Variants in ADGRL2 observed in about 807,000 individuals in gnomAD.
ADGRL2 encodes calcium-independent alpha-latrotoxin receptor 2.
A neutral mutation model predicts 157.4 loss-of-function variants in ADGRL2; 44 were observed. The ratio of observed to expected loss-of-function variants is 0.28; its 90% CI spans 0.22 to 0.36. ADGRL2 has a LOEUF of 0.36. Among genes scored for constraint, ADGRL2 ranks in the 10% least tolerant of loss-of-function variants. The pLI, the probability that ADGRL2 is intolerant of heterozygous loss-of-function variation, is 1.00. For missense variants in ADGRL2, 1,510 were observed against 1,768.9 expected (o/e 0.85, Z 2.63); for synonymous variants, 585 against 624.7 (o/e 0.94, Z 0.95).
intron 2 of ADGRL2, among the ~76,000 whole-genome samples, chr1:81,874,588 T>C (rs1029412260): frequency 2.0e-5 from 3 of 151,974 alleles, no homozygotes; most frequent in African/African-American, 7.2e-5. Flanking sequence ...TCTTTCTTTC[T>C]GTCTGTCTTG....
chr1:81,519,368 C>T (rs1204096756), intron 2 of ADGRL2, among the ~76,000 whole-genome samples: 1 of 151,952 alleles, frequency 6.6e-6, no homozygotes, highest in Non-Finnish European at 1.5e-5. Context: ...CTGTACTATT[C>T]CAGAAGGATC....
At chr1:81,906,524 A>T (rs970314415) in intron 2 of ADGRL2, among the ~76,000 whole-genome samples, 3 of 152,210 alleles carry the variant, frequency 2.0e-5, no homozygotes, top group African/African-American at 7.2e-5. Context: ...TGTCATAAAT[A>T]TCTTAGTTAT....
intron 2 of ADGRL2, among the ~76,000 whole-genome samples, chr1:81,504,716 A>G (rs956832506): frequency 1.1e-4 from 16 of 152,208 alleles, no homozygotes; most frequent in African/African-American, 3.9e-4. Flanking sequence ...AAACCGTACC[A>G]GTTCTGAAGA....
intron 1 of ADGRL2, among the ~76,000 whole-genome samples, chr1:81,356,553 A>G (rs1343720546): frequency 6.6e-6 from 1 of 152,138 alleles, no homozygotes; most frequent in Non-Finnish European, 1.5e-5. Flanking sequence ...ATCTCTGATT[A>G]TTTTCTCTGC....
intron 3 of ADGRL2, among the ~76,000 whole-genome samples, chr1:81,646,291 C>T (rs2082313859): frequency 6.6e-6 from 1 of 152,086 alleles, no homozygotes; most frequent in African/African-American, 2.4e-5. Context: ...AGTGTACCAG[C>T]AATTTAAATA....
intron 11 of ADGRL2, among the ~76,000 whole-genome samples, chr1:81,961,856 A>G (rs1359972504): frequency 6.6e-6 from 1 of 152,152 alleles, no homozygotes; most frequent in East Asian, 1.9e-4. Context: ...ATATTTACAT[A>G]TGCTGATATG....
chr1:81,375,520 T>G (rs1419293444), intron 1 of ADGRL2, among the ~76,000 whole-genome samples: 1 of 152,232 alleles, frequency 6.6e-6, no homozygotes, highest in African/African-American at 2.4e-5. Context: ...TGAACACTTG[T>G]GTTTGCAACA....
At chr1:81,578,505 A>G (rs544597556) in intron 2 of ADGRL2, among the ~76,000 whole-genome samples, 3 of 152,306 alleles carry the variant, frequency 2.0e-5, no homozygotes, top group African/African-American at 4.8e-5. Flanking sequence ...TAGGAATTAT[A>G]TTAAGTGGCA....
At chr1:81,417,087 T>C (rs540618094) in intron 1 of ADGRL2, among the ~76,000 whole-genome samples, 8 of 152,316 alleles carry the variant, frequency 5.3e-5, no homozygotes, top group African/African-American at 1.9e-4. Context: ...AGCATCTTCC[T>C]TTACTTTATT....
At chr1:81,600,940 G>A (rs4317851) in intron 3 of ADGRL2, among the ~76,000 whole-genome samples, 106,483 of 151,988 alleles carry the variant, frequency 0.7, 37,444 homozygotes, top group Admixed American at 0.76. Flanking sequence ...TATTCATTCA[G>A]TGCCATGTTT....
intron 22 of ADGRL2, chr1:81,987,417 C>T: frequency 2.2e-6 from 2 of 907,502 alleles, no homozygotes; most frequent in South Asian, 2.6e-5. Flanking sequence ...AATGAATTAG[C>T]TAATGAAGAT....
At chr1:81,756,670 T>C (rs779610226) in intron 1 of ADGRL2, among the ~76,000 whole-genome samples, 1 of 152,184 alleles carries the variant, frequency 6.6e-6, no homozygotes, top group African/African-American at 2.4e-5. Context: ...CAAAGAGATG[T>C]TGTATTTTGT....
chr1:81,847,705 C>T (rs2092845125), intron 2 of ADGRL2, among the ~76,000 whole-genome samples: 2 of 151,810 alleles, frequency 1.3e-5, no homozygotes, highest in African/African-American at 4.8e-5. Flanking sequence ...CCTAATATTT[C>T]CCTCTATTCC....
chr1:81,915,408 A>G (rs2094832384), intron 3 of ADGRL2, among the ~76,000 whole-genome samples: 1 of 152,132 alleles, frequency 6.6e-6, no homozygotes, highest in African/African-American at 2.4e-5. Context: ...GAAAATCAGT[A>G]AAACAGTTCT....
intron 1 of ADGRL2, among the ~76,000 whole-genome samples, chr1:81,324,785 CG>C (rs1400449371): frequency 6.6e-6 from 1 of 151,990 alleles, no homozygotes. Flanking sequence ...GTCTCAATCT[CG>C]GCTCACTGCA....
intron 1 of ADGRL2, among the ~76,000 whole-genome samples, chr1:81,412,533 T>A (rs1424720907): frequency 2.0e-5 from 3 of 152,204 alleles, no homozygotes; most frequent in African/African-American, 7.2e-5. Flanking sequence ...TATCACATAG[T>A]GTAGTAATGA....
intron 2 of ADGRL2, among the ~76,000 whole-genome samples, chr1:81,899,806 G>T (rs2094456104): frequency 6.6e-6 from 1 of 152,064 alleles, no homozygotes; most frequent in Non-Finnish European, 1.5e-5. Context: ...TTAATTTGAG[G>T]ATTTCTTTAT....
intron 1 of ADGRL2, among the ~76,000 whole-genome samples, chr1:81,706,401 A>C (rs1400075874): frequency 6.6e-6 from 1 of 152,010 alleles, no homozygotes; most frequent in African/African-American, 2.4e-5. Flanking sequence ...TAGGAAACAT[A>C]GGAGGGGATG....
At chr1:81,567,537 G>A (rs889348157) in intron 2 of ADGRL2, among the ~76,000 whole-genome samples, 4 of 151,986 alleles carry the variant, frequency 2.6e-5, no homozygotes, top group Admixed American at 6.6e-5. Flanking sequence ...AAAAGTTAAT[G>A]AACACAAAAC....
Sources: allele counts gnomAD v4.1 joint callset (sites outside exome capture counted in the v4.1 genomes callset), GRCh38; gene constraint gnomAD v4.1.1; transcripts MANE v1.5; gene names NCBI Gene and HGNC (gene_info 2026-07-23, HGNC 2026-07-21).